Variants in NRG1 observed in about 807,000 individuals in gnomAD.
NRG1 encodes the protein pro-neuregulin-1, membrane-bound isoform.
A neutral mutation model predicts 63.8 loss-of-function variants in NRG1; 18 were observed. The observed-to-expected ratio is 0.28, with a 90% CI of 0.19 to 0.42. The LOEUF is 0.42. Ranked by LOEUF, NRG1 falls within the 10% of genes least tolerant of loss-of-function variation. The probability of loss-of-function intolerance (pLI) is 1.00; values close to 1 mark genes in which losing one functional copy is unlikely to be tolerated. For missense variants in NRG1, 762 were observed against 814.7 expected, an observed-to-expected ratio of 0.94 and a Z score of 0.79; for synonymous variants, 302 against 301.3, an observed-to-expected ratio of 1.00 and a Z score of -0.02.
At chr8:32,596,557 G>A (rs903408527) in intron 2 of NRG1, among the ~76,000 whole-genome samples, 1 of 148,150 alleles carries the variant, frequency 6.7e-6, no homozygotes, top group South Asian at 2.1e-4. Context: ...CCAAGAGCAC[G>A]CCACCGCACT....
At chr8:32,346,967 C>A (rs1804985051) in intron 1 of NRG1, among the ~76,000 whole-genome samples, 1 of 151,890 alleles carries the variant, frequency 6.6e-6, no homozygotes, top group Admixed American at 6.6e-5. Flanking sequence ...GCAGCTGGGA[C>A]TACAGGCTCC....
At chr8:31,761,357 A>G (rs1817538596) in intron 1 of NRG1, among the ~76,000 whole-genome samples, 1 of 152,116 alleles carries the variant, frequency 6.6e-6, no homozygotes, top group Non-Finnish European at 1.5e-5. Flanking sequence ...ATGCTAAATG[A>G]CGAGTTAATG....
At chr8:31,776,369 C>T (rs11785738) in intron 1 of NRG1, among the ~76,000 whole-genome samples, 23,566 of 152,140 alleles carry the variant, frequency 0.15, 2,446 homozygotes, top group Non-Finnish European at 0.23. Context: ...CCAAGGATGC[C>T]GGACTTGCAT....
At chr8:31,670,327 C>T (rs1806995158) in intron 1 of NRG1, among the ~76,000 whole-genome samples, 1 of 152,160 alleles carries the variant, frequency 6.6e-6, no homozygotes, top group South Asian at 2.1e-4. Flanking sequence ...TCTCCAATCC[C>T]TGAGCTCCTA....
chr8:32,159,330 C>G (rs865788475), intron 1 of NRG1, among the ~76,000 whole-genome samples: 2 of 150,770 alleles, frequency 1.3e-5, no homozygotes, highest in East Asian at 2.0e-4. Context: ...GTCAGGAGAT[C>G]GAGACCATCC....
chr8:32,198,664 A>G (rs1843200641), intron 1 of NRG1, among the ~76,000 whole-genome samples: 1 of 152,222 alleles, frequency 6.6e-6, no homozygotes, highest in South Asian at 2.1e-4. Context: ...GAGATTTTAT[A>G]CATGTCATTT....
chr8:31,904,545 T>C (rs886764574), intron 1 of NRG1, among the ~76,000 whole-genome samples: 32 of 152,186 alleles, frequency 2.1e-4, no homozygotes, highest in African/African-American at 7.5e-4. Flanking sequence ...CAAAGGAGTA[T>C]AAATCATTCT....
rs528308988 is a variant in NRG1 at position 32,254,340 on chromosome 8, A to G, written c.38-341488A>G. Among the ~76,000 whole-genome samples, 61 of 152,258 alleles carry G rather than the reference A, an allele frequency of 4.0e-4. 1 individual carries two copies. The highest frequency in any genetic ancestry group is 3.2e-3 in the Admixed American group (49 of 15,280). ...TAGTGCTATAAATTTCCGTCTACACACTGCTTTAGCTGTGTCCCAGATATT... is the reference window on the plus strand; with the variant it reads ...TAGTGCTATAAATTTCCGTCTACACGCTGCTTTAGCTGTGTCCCAGATATT... On this transcript the variant is annotated intron_variant, in intron 1 of 10. Coordinates refer to the NRG1 transcript ENST00000519301.
At chr8:31,860,582 G>T (rs976349206) in intron 1 of NRG1, among the ~76,000 whole-genome samples, 1 of 152,114 alleles carries the variant, frequency 6.6e-6, no homozygotes, top group African/African-American at 2.4e-5. Context: ...TGACTGGCAG[G>T]TGTGCCCCAC....
At chr8:32,739,270 A>C (rs1019475804) in intron 6 of NRG1, among the ~76,000 whole-genome samples, 1 of 152,144 alleles carries the variant, frequency 6.6e-6, no homozygotes, top group Non-Finnish European at 1.5e-5. Context: ...TCTTGTTAAA[A>C]TGAAGCTTCT....
At chr8:32,486,132 G>T (rs185278164) in intron 1 of NRG1, among the ~76,000 whole-genome samples, 1 of 151,814 alleles carries the variant, frequency 6.6e-6, no homozygotes, top group Non-Finnish European at 1.5e-5. Flanking sequence ...GGGTTTTGCC[G>T]TGTTGGCCAG....
chr8:32,149,146 A>T (rs973407347), intron 1 of NRG1, among the ~76,000 whole-genome samples: 1 of 152,176 alleles, frequency 6.6e-6, no homozygotes, highest in Non-Finnish European at 1.5e-5. Flanking sequence ...TCCAAAAGAT[A>T]ATTTTAGTCA....
chr8:32,486,263 G>A (rs1240665072), intron 1 of NRG1, among the ~76,000 whole-genome samples: 1 of 152,074 alleles, frequency 6.6e-6, no homozygotes, highest in Non-Finnish European at 1.5e-5. Context: ...TCCTTTTATA[G>A]TTTGTTATAA....
At position 32,742,966 on chromosome 8, in the gene NRG1, GT is replaced by G. The variant is rs1218028807; in HGVS notation, c.691+236del. 4 of 1,356,630 alleles carry G rather than the reference GT, an allele frequency of 2.9e-6. No homozygotes were observed. Among genetic ancestry groups the G allele is most frequent in the Admixed American group, 6.0e-5 (2 of 33,146 alleles). 84.0% of individuals were successfully genotyped at this position (1,356,630 alleles called of 1,614,324 possible). On this transcript the variant is annotated intron_variant, in intron 7 of 11. Coordinates refer to ENST00000356819, the Ensembl canonical transcript of NRG1. This position sits in a 1 kb window ranked among gnomAD's most constrained non-coding sequence, Gnocchi z 4.2. ...CTAATAGGTGTGTGAGGCTCCGGATGTTTCTGGAATTGATATTGAATGATGT... is the reference window on the plus strand; with the variant it reads ...CTAATAGGTGTGTGAGGCTCCGGATGTTCTGGAATTGATATTGAATGATGT...
At chr8:32,577,780 ATC>A (rs983604320) in intron 1 of NRG1, among the ~76,000 whole-genome samples, 2 of 151,626 alleles carry the variant, frequency 1.3e-5, no homozygotes, top group African/African-American at 4.9e-5. Context: ...TTCTTTATCC[ATC>A]TCTCTCTTTT....
At chr8:32,049,951 AGAT>A in intron 1 of NRG1, among the ~76,000 whole-genome samples, 1 of 152,252 alleles carries the variant, frequency 6.6e-6, no homozygotes, top group African/African-American at 2.4e-5. Flanking sequence ...AATATGAGTA[AGAT>A]GATTCTATTA....
At chr8:32,152,731 A>G (rs1837637535) in intron 1 of NRG1, among the ~76,000 whole-genome samples, 1 of 152,214 alleles carries the variant, frequency 6.6e-6, no homozygotes, top group Admixed American at 6.5e-5. Flanking sequence ...TCCACAAAAA[A>G]AAGCATCACA....
chr8:31,681,566 G>A (rs1339741609), intron 1 of NRG1, among the ~76,000 whole-genome samples: 1 of 151,968 alleles, frequency 6.6e-6, no homozygotes, highest in Non-Finnish European at 1.5e-5. Context: ...TAGAAAGGAA[G>A]TAGGTTGTTA....
At chr8:32,459,824 C>T (rs116607465) in intron 1 of NRG1, among the ~76,000 whole-genome samples, 22 of 152,276 alleles carry the variant, frequency 1.4e-4, no homozygotes, top group African/African-American at 5.3e-4. Flanking sequence ...AGGGCCTTTG[C>T]AATTGCTATT....
Sources: gnomAD v4.1 joint callset for allele counts (sites outside exome capture counted in the v4.1 genomes callset) on GRCh38, gnomAD v4.1.1 for gene constraint, Gnocchi (gnomAD v3.1) non-coding constraint, MANE v1.5 for transcripts, NCBI Gene and HGNC (gene_info 2026-07-23, HGNC 2026-07-21) for gene names.